The following PHF21B variants were observed in gnomAD, a reference collection of about 807,000 sequenced individuals.
PHF21B encodes the protein PHD finger protein 21B.
Under a neutral mutation model 62.2 loss-of-function variants are expected in PHF21B, and 22 were observed. The observed-to-expected ratio is 0.35, with a 90% CI of 0.25 to 0.51. PHF21B has a LOEUF of 0.51. Among genes scored for constraint, PHF21B ranks in the 20% least tolerant of loss-of-function variants. The pLI, the probability that PHF21B is intolerant of heterozygous loss-of-function variation, is 0.97. For synonymous variants in PHF21B, 341 were observed against 314.7 expected (o/e 1.08, Z -0.88); for missense variants, 701 against 707.9 (o/e 0.99, Z 0.11).
Position 44,885,532 on chromosome 22 carries a change from A to G in PHF21B, c.1274-3T>C. On this transcript the variant is annotated splice_polypyrimidine_tract_variant and splice_region_variant and intron_variant, in intron 11 of 12. Coordinates refer to ENST00000313237, the MANE Select transcript of PHF21B (RefSeq NM_138415.5). ...CTTCTGCTTCTCCTCTTCTTTGACTAGAAAAGAGAAGGCCAGGTCCCTGGA... is the reference window on the plus strand; with the variant it reads ...CTTCTGCTTCTCCTCTTCTTTGACTGGAAAAGAGAAGGCCAGGTCCCTGGA... The G allele has an allele frequency of 1.3e-6, 2 of 1,585,192 alleles. No homozygotes were observed. Among genetic ancestry groups the G allele is most frequent in the Non-Finnish European group, 1.7e-6 (2 of 1,165,476 alleles).
intron 2 of PHF21B, among the ~76,000 whole-genome samples, chr22:44,936,571 A>C (rs562330419): frequency 2.7e-3 from 407 of 152,342 alleles, no homozygotes; most frequent in Non-Finnish European, 5.0e-3. Context: ...CTGAGCTGAG[A>C]CGGGTTTCAA....
chr22:44,938,383 G>C (rs1380936034), intron 2 of PHF21B, among the ~76,000 whole-genome samples: 1 of 152,222 alleles, frequency 6.6e-6, no homozygotes, highest in Non-Finnish European at 1.5e-5. Context: ...ACAGGCACCT[G>C]CCATCATGCA....
At chr22:44,930,844 T>C (rs969551323) in intron 2 of PHF21B, among the ~76,000 whole-genome samples, 3 of 152,186 alleles carry the variant, frequency 2.0e-5, no homozygotes, top group African/African-American at 7.2e-5. Flanking sequence ...CTGAGGCCTG[T>C]TTGGACCTCG....
At chr22:44,885,994 T>C in intron 10 of PHF21B, 56 bp from the exon 11 acceptor site, 1 of 1,541,002 alleles carries the variant, frequency 6.5e-7, no homozygotes, top group Non-Finnish European at 8.9e-7. Flanking sequence ...CTGCTGGGAC[T>C]GTCCACACCC....
chr22:44,970,257 G>A (rs1198154768), intron 2 of PHF21B, among the ~76,000 whole-genome samples: 2 of 152,256 alleles, frequency 1.3e-5, no homozygotes, highest in African/African-American at 4.8e-5. Flanking sequence ...GCCATGCCAT[G>A]TGACCTGCTC....
intron 2 of PHF21B, among the ~76,000 whole-genome samples, chr22:44,930,742 C>T (rs1308316999): frequency 6.6e-6 from 1 of 152,194 alleles, no homozygotes; most frequent in African/African-American, 2.4e-5. Context: ...GGGCAGGCAC[C>T]AGAAGGGCTC....
chr22:44,957,774 T>G (rs1439384999), intron 2 of PHF21B, among the ~76,000 whole-genome samples: 1 of 152,228 alleles, frequency 6.6e-6, no homozygotes. Flanking sequence ...GCTTAATTCC[T>G]TTATTTCAGT....
intron 6 of PHF21B, among the ~76,000 whole-genome samples, chr22:44,893,763 C>T (rs1271348924): frequency 1.3e-5 from 2 of 152,244 alleles, no homozygotes; most frequent in Admixed American, 6.5e-5. Flanking sequence ...TGGTGGGAGG[C>T]TGGCAGGTAC....
chr22:44,909,376 CG>C (rs1195886728), intron 5 of PHF21B, among the ~76,000 whole-genome samples: 1 of 152,174 alleles, frequency 6.6e-6, no homozygotes, highest in Non-Finnish European at 1.5e-5. Context: ...GGCTGCCAGC[CG>C]AGCCAGGGCC....
chr22:44,895,708 G>A (rs755722808), intron 6 of PHF21B, among the ~76,000 whole-genome samples: 12 of 152,178 alleles, frequency 7.9e-5, no homozygotes, highest in Non-Finnish European at 1.5e-4. Flanking sequence ...CGGTCCCTCC[G>A]CTGAAACAAG....
At chr22:44,902,662 T>A (rs1228098070) in intron 5 of PHF21B, among the ~76,000 whole-genome samples, 1 of 152,210 alleles carries the variant, frequency 6.6e-6, no homozygotes, top group Non-Finnish European at 1.5e-5. Context: ...AGCCATCTCT[T>A]CCATAAATCT....
Position 44,916,396 on chromosome 22 carries a change from A to G in PHF21B, c.448T>C (p.Tyr150His). Residue 150 changes from tyrosine to histidine, a missense_variant, in exon 4 of 13, where the codon TAC becomes CAC. Tyr to His is a moderately conservative substitution (Grantham distance 83). Coordinates refer to ENST00000313237, the MANE Select transcript of PHF21B (RefSeq NM_138415.5). Reference sequence around the variant, plus strand: ...CTGGGGGAGGTGGAGATGATGGCGTAGGCCACCCCCGCACTGCTCAGCGGA... The same window carrying G: ...CTGGGGGAGGTGGAGATGATGGCGTGGGCCACCCCCGCACTGCTCAGCGGA... ...ASPLSSAGVA[Y>H]AIISTSPSNA... 1.9e-6 allele frequency: 3 copies of G among 1,590,728 alleles called. No homozygotes were observed. The highest frequency in any genetic ancestry group is 2.2e-5 in the East Asian group (1 of 44,724).
intron 5 of PHF21B, chr22:44,902,186 A>G (rs1267691239): frequency 4.0e-5 from 8 of 201,904 alleles, no homozygotes; most frequent in African/African-American, 1.7e-4. Context: ...GAAAATCCCA[A>G]TACATCTTAC....
At chr22:44,917,507 G>A (rs139148822) in intron 3 of PHF21B, among the ~76,000 whole-genome samples, 183 of 152,220 alleles carry the variant, frequency 1.2e-3, no homozygotes, top group African/African-American at 4.2e-3. Flanking sequence ...GGAGGTCCAC[G>A]CCAATATTAT....
At chr22:44,982,585 A>T (rs1224456102) in intron 2 of PHF21B, among the ~76,000 whole-genome samples, 1 of 152,206 alleles carries the variant, frequency 6.6e-6, no homozygotes, top group Non-Finnish European at 1.5e-5. Context: ...CACATCTCGC[A>T]GCCACTGCTT....
intron 2 of PHF21B, among the ~76,000 whole-genome samples, chr22:44,934,047 G>C (rs1407302652): frequency 1.3e-5 from 2 of 152,194 alleles, no homozygotes; most frequent in Non-Finnish European, 2.9e-5. Flanking sequence ...GTAACCACAA[G>C]ACCAGAGGGG....
At chr22:44,887,572 T>C (rs1327504900) in intron 10 of PHF21B, among the ~76,000 whole-genome samples, 1 of 151,730 alleles carries the variant, frequency 6.6e-6, no homozygotes, top group African/African-American at 2.4e-5. Context: ...CTGGCCAACA[T>C]GGTGAAACCC....
intron 5 of PHF21B, among the ~76,000 whole-genome samples, chr22:44,896,671 A>ACC (rs1406316848): frequency 6.6e-6 from 1 of 152,092 alleles, no homozygotes; most frequent in Non-Finnish European, 1.5e-5. Context: ...TCAAAACCTG[A>ACC]CACTTGACCC....
intron 8 of PHF21B, 88 bp downstream of exon 8, chr22:44,891,218 T>C: frequency 3.4e-6 from 5 of 1,487,466 alleles, no homozygotes; most frequent in Non-Finnish European, 4.6e-6. Flanking sequence ...CGGGCAGCCC[T>C]GCCCAGGCCC....
Sources: gnomAD v4.1 joint callset for allele counts (sites outside exome capture counted in the v4.1 genomes callset) on GRCh38, gnomAD v4.1.1 for gene constraint, MANE v1.5 for transcripts, NCBI Gene and HGNC (gene_info 2026-07-23, HGNC 2026-07-21) for gene names.